The following PCCA variants were observed in gnomAD, a reference collection of about 807,000 sequenced individuals.
PCCA encodes the protein propionyl-CoA carboxylase subunit alpha, also known as propionyl-CoA carboxylase alpha chain, mitochondrial.
In PCCA, 74 loss-of-function variants were observed where a neutral mutation model predicts 101.3. The observed-to-expected ratio is 0.73, with a 90% CI of 0.61 to 0.89. PCCA has a LOEUF of 0.89. PCCA is among the 40% of genes least tolerant of loss of function. PCCA has a pLI of 0.00. For missense variants in PCCA, 891 were observed against 907.0 expected (o/e 0.98, Z 0.23); for synonymous variants, 294 against 313.6 (o/e 0.94, Z 0.66).
intron 7 of PCCA, among the ~76,000 whole-genome samples, chr13:100,216,097 T>C (rs1330270099): frequency 6.6e-6 from 1 of 150,728 alleles, no homozygotes; most frequent in African/African-American, 2.4e-5. Context: ...CCCCTCTCCT[T>C]CCCCTTTCCC....
intron 19 of PCCA, among the ~76,000 whole-genome samples, chr13:100,419,760 G>A (rs1442781361): frequency 6.6e-6 from 1 of 152,194 alleles, no homozygotes; most frequent in Non-Finnish European, 1.5e-5. Flanking sequence ...AGATGGGAGT[G>A]AAGGAAAGAG....
chr13:100,458,667 A>C (rs1440916171), intron 21 of PCCA, among the ~76,000 whole-genome samples: 2 of 152,192 alleles, frequency 1.3e-5, no homozygotes, highest in African/African-American at 2.4e-5. Context: ...TTTAAAAATT[A>C]AAATAAGATT....
At position 100,395,032 on chromosome 13, in the gene PCCA, C is replaced by T. The variant is rs2076979510; in HGVS notation, c.1746+26458C>T. 3.3e-5 allele frequency among the ~76,000 whole-genome samples: 5 copies of T among 152,170 alleles called. No individual in the cohort carries two copies. In the South Asian group the frequency reaches 1.0e-3, roughly 32 times the overall value. The stretch of plus-strand genomic sequence containing the variant: ...ATGCTTGAGGGGGTTTGGGGCTGTA[C>T]ACTCATGGGCACAGGTTTGCATATC... On this transcript the variant is annotated intron_variant, in intron 19 of 23. Transcript: ENST00000376285.
intron 21 of PCCA, among the ~76,000 whole-genome samples, chr13:100,496,299 G>A (rs532948590): frequency 5.6e-4 from 85 of 152,308 alleles, no homozygotes; most frequent in African/African-American, 1.8e-3. Context: ...CCCAGGATCC[G>A]CTCAGAGTCA....
chr13:100,418,343 G>A (rs2078517188), intron 19 of PCCA, among the ~76,000 whole-genome samples: 1 of 152,158 alleles, frequency 6.6e-6, no homozygotes, highest in Non-Finnish European at 1.5e-5. Flanking sequence ...GGGCAGAAGG[G>A]TTGCTGTTTC....
At chr13:100,257,167 T>A (rs1389131762) in intron 8 of PCCA, among the ~76,000 whole-genome samples, 2 of 152,194 alleles carry the variant, frequency 1.3e-5, no homozygotes, top group Non-Finnish European at 2.9e-5. Flanking sequence ...TGAAAATACC[T>A]TAAGTACCTG....
At chr13:100,106,825 G>C (rs531301211) in intron 2 of PCCA, among the ~76,000 whole-genome samples, 13 of 152,312 alleles carry the variant, frequency 8.5e-5, no homozygotes, top group African/African-American at 3.1e-4. Flanking sequence ...TCTGCTCCCT[G>C]CTATCTTTGC....
intron 18 of PCCA, among the ~76,000 whole-genome samples, chr13:100,345,550 A>G (rs1476475874): frequency 1.3e-5 from 2 of 152,354 alleles, no homozygotes; most frequent in South Asian, 2.1e-4. Context: ...AGCTGTCTCC[A>G]TAACATAAAA....
At chr13:100,108,087 T>C (rs536106218) in intron 2 of PCCA, among the ~76,000 whole-genome samples, 5 of 152,262 alleles carry the variant, frequency 3.3e-5, no homozygotes, top group South Asian at 4.1e-4. Flanking sequence ...CTCAGTCCTC[T>C]TGGTCTCTGA....
intron 6 of PCCA, among the ~76,000 whole-genome samples, chr13:100,168,240 G>A (rs2055254897): frequency 1.3e-5 from 2 of 152,194 alleles, no homozygotes; most frequent in African/African-American, 2.4e-5. Flanking sequence ...CAGTATACAA[G>A]ATGTCAGATA....
In PCCA at chr13:100,211,130, A is replaced by G. The variant is rs368814829; in HGVS notation, c.600+1667A>G. Among the ~76,000 whole-genome samples the G allele has an allele frequency of 4.4e-4, 67 of 152,326 alleles. 1 individual carries two copies. In the East Asian group the frequency reaches 5.6e-3, roughly 13 times the overall value. ...CAGTGAACAAATGTGTTGGTCACTC[A>G]GTTATGTGGGAAGGATGTGGTGATG... On this transcript the variant is annotated intron_variant, in intron 7 of 23. Transcript: ENST00000376285.
intron 2 of PCCA, among the ~76,000 whole-genome samples, chr13:100,109,113 G>A (rs2152271985): frequency 6.6e-6 from 1 of 152,348 alleles, no homozygotes; most frequent in Non-Finnish European, 1.5e-5. Flanking sequence ...GTAGCCCAAA[G>A]GGGTGAAGAA....
chr13:100,337,117 T>A (rs1276640010), intron 17 of PCCA, among the ~76,000 whole-genome samples: 1 of 152,158 alleles, frequency 6.6e-6, no homozygotes, highest in Non-Finnish European at 1.5e-5. Context: ...TTTAAAATAC[T>A]TACCGCGCCC....
At chr13:100,153,168 G>A (rs897466206) in intron 4 of PCCA, among the ~76,000 whole-genome samples, 5 of 152,124 alleles carry the variant, frequency 3.3e-5, no homozygotes, top group Non-Finnish European at 5.9e-5. Flanking sequence ...TGCTATCCAA[G>A]TGTATCTATG....
intron 6 of PCCA, among the ~76,000 whole-genome samples, chr13:100,200,133 C>T (rs2058379395): frequency 6.6e-6 from 1 of 152,016 alleles, no homozygotes; most frequent in East Asian, 1.9e-4. Flanking sequence ...GAGACAGAGT[C>T]TCACTCTGTC....
At chr13:100,493,489 G>C (rs2085059724) in intron 21 of PCCA, among the ~76,000 whole-genome samples, 1 of 152,196 alleles carries the variant, frequency 6.6e-6, no homozygotes. Context: ...ACCAAGAAGA[G>C]AGCCAACCCA....
chr13:100,491,950 C>T (rs1250365729), intron 21 of PCCA: 1 of 209,646 alleles, frequency 4.8e-6, no homozygotes, highest in Non-Finnish European at 9.2e-6. Flanking sequence ...GAATTGTAAT[C>T]CATAAAGCAC....
chr13:100,094,830 C>T (rs962559829), intron 1 of PCCA, among the ~76,000 whole-genome samples: 3 of 152,270 alleles, frequency 2.0e-5, no homozygotes, highest in Non-Finnish European at 4.4e-5. Context: ...TCAATTGATC[C>T]GCCTGCCTCG....
chr13:100,334,419 T>G (rs1008817769), intron 17 of PCCA, among the ~76,000 whole-genome samples: 7 of 152,160 alleles, frequency 4.6e-5, no homozygotes, highest in Admixed American at 3.3e-4. Flanking sequence ...GGCCTGCATA[T>G]TGAGCAGAGT....
Sources: gnomAD v4.1 joint callset for allele counts (sites outside exome capture counted in the v4.1 genomes callset) on GRCh38, gnomAD v4.1.1 for gene constraint, MANE v1.5 for transcripts, NCBI Gene and HGNC (gene_info 2026-07-23, HGNC 2026-07-21) for gene names.